The following CDH10 variants were observed in gnomAD, a reference collection of about 807,000 sequenced individuals.
CDH10 encodes cadherin 10.
Under a neutral mutation model 73.1 loss-of-function variants are expected in CDH10, and 30 were observed. That is an observed-to-expected ratio of 0.41 (90% CI 0.31 to 0.56). The LOEUF (loss-of-function observed/expected upper bound fraction) is 0.56, where lower values mean the gene tolerates loss of function less well. CDH10 is among the 20% of genes least tolerant of loss of function. The probability of loss-of-function intolerance (pLI) is 0.27; values close to 1 mark genes in which losing one functional copy is unlikely to be tolerated. For missense variants in CDH10, 815 were observed against 973.7 expected, an observed-to-expected ratio of 0.84 and a Z score of 2.17; for synonymous variants, 345 against 348.2, an observed-to-expected ratio of 0.99 and a Z score of 0.10.
chr5:24,565,384 C>T (rs1745131682), intron 2 of CDH10, among the ~76,000 whole-genome samples: 1 of 152,132 alleles, frequency 6.6e-6, no homozygotes, highest in Non-Finnish European at 1.5e-5. Context: ...TGAACTCTAA[C>T]ATACCATGCC....
intron 2 of CDH10, among the ~76,000 whole-genome samples, chr5:24,570,145 A>T (rs1745324024): frequency 6.6e-6 from 1 of 152,150 alleles, no homozygotes; most frequent in African/African-American, 2.4e-5. Context: ...TCACCCTCTT[A>T]GAGATATTAA....
At chr5:24,585,956 G>A (rs1482529767) in intron 2 of CDH10, among the ~76,000 whole-genome samples, 1 of 152,142 alleles carries the variant, frequency 6.6e-6, no homozygotes, top group Non-Finnish European at 1.5e-5. Context: ...CTTGCAAATA[G>A]CGACAGAGGA....
intron 2 of CDH10, among the ~76,000 whole-genome samples, chr5:24,567,964 C>T (rs978030607): frequency 6.6e-6 from 1 of 151,856 alleles, no homozygotes; most frequent in Non-Finnish European, 1.5e-5. Context: ...TTTAGTCTCA[C>T]CCAAAAAATT....
intron 7 of CDH10, among the ~76,000 whole-genome samples, chr5:24,508,219 G>GT (rs1345476022): frequency 6.6e-6 from 1 of 152,178 alleles, no homozygotes; most frequent in Non-Finnish European, 1.5e-5. Flanking sequence ...ATGGATTATA[G>GT]TAAGTGTTCA....
chr5:24,595,720 T>C (rs112073403), intron 1 of CDH10, among the ~76,000 whole-genome samples: 1 of 151,992 alleles, frequency 6.6e-6, no homozygotes, highest in Non-Finnish European at 1.5e-5. Context: ...CTTTAAAACC[T>C]ATTGAAGAAA....
At chr5:24,584,490 G>C (rs897056971) in intron 2 of CDH10, among the ~76,000 whole-genome samples, 3 of 130,656 alleles carry the variant, frequency 2.3e-5, no homozygotes, top group African/African-American at 8.4e-5. Flanking sequence ...GAGAGAGAGA[G>C]AGAGAGAGTC....
intron 1 of CDH10, among the ~76,000 whole-genome samples, chr5:24,625,954 G>C (rs1747481943): frequency 1.3e-5 from 2 of 151,870 alleles, no homozygotes; most frequent in Non-Finnish European, 2.9e-5. Flanking sequence ...ATTGAATCAT[G>C]TTCTCTTATC....
At chr5:24,571,973 TAA>T (rs200001581) in intron 2 of CDH10, among the ~76,000 whole-genome samples, 6 of 143,490 alleles carry the variant, frequency 4.2e-5, no homozygotes, top group South Asian at 2.3e-4. Context: ...CTGCTACAAA[TAA>T]AAAAAAAAAA....
intron 1 of CDH10, among the ~76,000 whole-genome samples, chr5:24,644,098 C>A (rs922125516): frequency 6.6e-6 from 1 of 152,106 alleles, no homozygotes; most frequent in African/African-American, 2.4e-5. Context: ...AATCTGTCTT[C>A]TGCCTGTCAT....
chr5:24,538,061 T>G (rs936974401), intron 2 of CDH10, among the ~76,000 whole-genome samples: 8 of 152,056 alleles, frequency 5.3e-5, no homozygotes, highest in Admixed American at 2.0e-4. Flanking sequence ...TCTTAAATGG[T>G]GCAAAACAAA....
At chr5:24,633,362 A>C (rs2112201839) in intron 1 of CDH10, among the ~76,000 whole-genome samples, 1 of 152,046 alleles carries the variant, frequency 6.6e-6, no homozygotes, top group South Asian at 2.1e-4. Context: ...TACACAAAGT[A>C]AAAATGAATT....
intron 5 of CDH10, among the ~76,000 whole-genome samples, chr5:24,531,793 T>G (rs1341495126): frequency 6.6e-6 from 1 of 152,056 alleles, no homozygotes; most frequent in Non-Finnish European, 1.5e-5. Flanking sequence ...TGGTATTTGG[T>G]GCAAGGGTGA....
At chr5:24,642,524 A>G (rs1282473177) in intron 1 of CDH10, among the ~76,000 whole-genome samples, 1 of 152,152 alleles carries the variant, frequency 6.6e-6, no homozygotes, top group Non-Finnish European at 1.5e-5. Flanking sequence ...CGTGTCAGAA[A>G]TATCACTCTA....
At chr5:24,581,590 G>C (rs528329656) in intron 2 of CDH10, among the ~76,000 whole-genome samples, 3 of 152,164 alleles carry the variant, frequency 2.0e-5, no homozygotes, top group Non-Finnish European at 2.9e-5. Flanking sequence ...AAGTGACCTA[G>C]AGATTGCCCA....
chr5:24,517,675 T>G (rs1223749027), intron 5 of CDH10, among the ~76,000 whole-genome samples: 1 of 152,084 alleles, frequency 6.6e-6, no homozygotes, highest in Non-Finnish European at 1.5e-5. Context: ...GATAGTTGAA[T>G]GAAGGTAGTA....
chr5:24,580,875 C>T (rs1355193427), intron 2 of CDH10, among the ~76,000 whole-genome samples: 1 of 152,172 alleles, frequency 6.6e-6, no homozygotes, highest in African/African-American at 2.4e-5. Flanking sequence ...TCCTTCATCT[C>T]CAAAGTGCAT....
intron 2 of CDH10, among the ~76,000 whole-genome samples, chr5:24,565,047 T>A (rs575521395): frequency 6.6e-6 from 1 of 152,298 alleles, no homozygotes; most frequent in East Asian, 1.9e-4. Context: ...TCAGCTCCCA[T>A]CTCTAAGAAT....
At chr5:24,599,637 A>G (rs1746492905) in intron 1 of CDH10, among the ~76,000 whole-genome samples, 1 of 152,220 alleles carries the variant, frequency 6.6e-6, no homozygotes, top group South Asian at 2.1e-4. Context: ...AGGTGCAAAA[A>G]CATACATGAC....
At chr5:24,571,355 TAAGA>T (rs1346198916) in intron 2 of CDH10, among the ~76,000 whole-genome samples, 1 of 152,008 alleles carries the variant, frequency 6.6e-6, no homozygotes, top group East Asian at 1.9e-4. Context: ...TCAATTAAGC[TAAGA>T]AAAGACTGAT....
Sources: allele counts gnomAD v4.1 joint callset (sites outside exome capture counted in the v4.1 genomes callset), GRCh38; gene constraint gnomAD v4.1.1; transcripts MANE v1.5; gene names NCBI Gene and HGNC (gene_info 2026-07-23, HGNC 2026-07-21).